RASA1: variants seen among roughly 807,000 people sequenced by gnomAD.
The protein encoded by RASA1 is RAS p21 protein activator 1.
Under a neutral mutation model 132.2 loss-of-function variants are expected in RASA1, and 25 were observed. That is an observed-to-expected ratio of 0.19 (90% CI 0.14 to 0.26). The LOEUF (loss-of-function observed/expected upper bound fraction) is 0.26. Ranked by LOEUF, RASA1 falls within the 10% of genes least tolerant of loss-of-function variation. The probability of loss-of-function intolerance (pLI) is 1.00; values close to 1 mark genes in which losing one functional copy is unlikely to be tolerated. For synonymous variants in RASA1, 477 were observed against 449.9 expected (o/e 1.06, Z -0.76); for missense variants, 964 against 1,299.2 (o/e 0.74, Z 3.97).
Position 87,376,887 on chromosome 5 carries a change from C to G in RASA1, c.2191C>G (p.Leu731Val), listed in dbSNP as rs777558391. Residue 731 changes from leucine to valine, a missense_variant, in exon 17 of 25, where the codon CTG becomes GTG. Leu to Val is a conservative substitution (Grantham distance 32). Around this residue, in one of 6 missense-constraint regions of RASA1, gnomAD observed 346 missense variants for 520.1 expected, o/e 0.67. Transcript: ENST00000274376. Reference sequence around the variant, plus strand: ...TTTTAAAATGTCATTTTAGCTTATACTGCAAAAGGAACTTCATGTAGTCTA... The same window carrying G: ...TTTTAAAATGTCATTTTAGCTTATAGTGCAAAAGGAACTTCATGTAGTCTA... ...EEYSEFKELI[L>V]QKELHVVYAL... The G allele has an allele frequency of 6.2e-7, 1 of 1,603,690 alleles. No homozygotes were observed. The highest frequency in any genetic ancestry group is 1.1e-5 in the South Asian group (1 of 90,876).
intron 9 of RASA1, among the ~76,000 whole-genome samples, chr5:87,359,010 C>G (rs926010594): frequency 6.6e-6 from 1 of 152,160 alleles, no homozygotes; most frequent in Non-Finnish European, 1.5e-5. Flanking sequence ...GGAGCACTTA[C>G]CTTCTAACAT....
Position 87,341,331 on chromosome 5 carries a change from T to C in RASA1, c.1049+10T>C. The C allele has an allele frequency of 2.3e-6, 3 of 1,326,524 alleles. No homozygotes were observed. Among genetic ancestry groups the C allele is most frequent in the Non-Finnish European group, 2.9e-6 (3 of 1,038,860 alleles). The allele number at this position is 1,326,524 out of a possible 1,614,324, so 82.2% of individuals were successfully genotyped here. A position where few individuals can be genotyped will look rare whatever the true frequency, so the allele number is the denominator to read the frequency against. On this transcript the variant is annotated intron_variant, in intron 6 of 24. Transcript: ENST00000274376. ...CACATGAAGGAAAAATGTGAGTTTG[T>C]GTTAATTATTAAAATGAAAAAAAAA...
chr5:87,284,140 AATG>A (rs1322980496), intron 1 of RASA1, among the ~76,000 whole-genome samples: 1 of 152,164 alleles, frequency 6.6e-6, no homozygotes, highest in African/African-American at 2.4e-5. Context: ...GTTACAATGA[AATG>A]ATGTTATTTG....
intron 1 of RASA1, among the ~76,000 whole-genome samples, chr5:87,324,160 A>G (rs1213731922): frequency 6.6e-6 from 1 of 152,176 alleles, no homozygotes; most frequent in Non-Finnish European, 1.5e-5. Flanking sequence ...TTGAAGTTCT[A>G]AGAAAAACCC....
In RASA1 at chr5:87,268,693, TG is replaced by T; in HGVS notation, c.248del (p.Gly83GlufsTer4). ...FLGAGSVAGA[L>X]GGAGLTGGGT... Reference sequence around the variant, plus strand: ...GGAGCCGGGTCTGTGGCAGGGGCACTGGGGGGAGCTGGACTGACAGGGGGAG... The same window carrying T: ...GGAGCCGGGTCTGTGGCAGGGGCACTGGGGGAGCTGGACTGACAGGGGGAG... On this transcript the variant is annotated frameshift_variant, in exon 1 of 25. Coordinates refer to ENST00000274376, the MANE Select transcript of RASA1 (RefSeq NM_002890.3). LOFTEE classifies it high-confidence loss of function. 6.2e-7 allele frequency: 1 copy of T among 1,611,610 alleles called. No homozygotes were observed. The highest frequency in any genetic ancestry group is 8.5e-7 in the Non-Finnish European group (1 of 1,179,038).
At chr5:87,291,417 G>T (rs1160352031) in intron 1 of RASA1, among the ~76,000 whole-genome samples, 3 of 152,138 alleles carry the variant, frequency 2.0e-5, no homozygotes, top group African/African-American at 7.2e-5. Context: ...TGTGGTTCCA[G>T]CTACTCAGGA....
At chr5:87,377,389 G>GA (rs1241066237) in intron 17 of RASA1, among the ~76,000 whole-genome samples, 2 of 152,190 alleles carry the variant, frequency 1.3e-5, no homozygotes, top group Non-Finnish European at 2.9e-5. Context: ...GCAGTGCAGT[G>GA]GCGCAGTCTC....
chr5:87,389,552 AC>A, intron 24 of RASA1, 25 bp downstream of exon 24: 1 of 1,611,722 alleles, frequency 6.2e-7, no homozygotes, highest in Non-Finnish European at 8.5e-7. Flanking sequence ...GCCTTCATTA[AC>A]AATGATGTTT....
At chr5:87,270,723 A>G (rs918828378) in intron 1 of RASA1, among the ~76,000 whole-genome samples, 9 of 138,008 alleles carry the variant, frequency 6.5e-5, no homozygotes, top group African/African-American at 2.5e-4. Flanking sequence ...TTCTGAAACT[A>G]ATTAGGAAAA....
chr5:87,295,492 T>C (rs1755079372), intron 1 of RASA1, among the ~76,000 whole-genome samples: 2 of 150,460 alleles, frequency 1.3e-5, no homozygotes, highest in Admixed American at 6.6e-5. Flanking sequence ...ACACCAGTTA[T>C]ATATATATAT....
chr5:87,376,583 A>T lies in RASA1; in HGVS notation c.2184+18A>T. 6.2e-7 allele frequency: 1 copy of T among 1,607,774 alleles called. No homozygotes were observed. On this transcript the variant is annotated intron_variant, in intron 16 of 24. Coordinates refer to ENST00000274376, the MANE Select transcript of RASA1 (RefSeq NM_002890.3). ...TTAAAGAGGTATTAAATTATTTATC[A>T]GTCTTGTTTTTGTTGGAATTAACAG...
intron 9 of RASA1, among the ~76,000 whole-genome samples, chr5:87,360,716 T>A (rs1249675737): frequency 6.6e-6 from 1 of 152,156 alleles, no homozygotes; most frequent in African/African-American, 2.4e-5. Context: ...TATGGTTCAC[T>A]CAGTGATTGA....
At chr5:87,346,620 G>T in intron 6 of RASA1, 52 bp from the exon 7 acceptor site, 1 of 1,201,612 alleles carries the variant, frequency 8.3e-7, no homozygotes, top group Admixed American at 1.8e-5. Context: ...TTGATCATAT[G>T]ATAACAGCAA....
intron 1 of RASA1, among the ~76,000 whole-genome samples, chr5:87,297,966 T>C (rs1211382772): frequency 1.3e-5 from 2 of 152,186 alleles, no homozygotes; most frequent in African/African-American, 4.8e-5. Context: ...TTTCTCTATC[T>C]GCCTACCTGT....
intron 1 of RASA1, among the ~76,000 whole-genome samples, chr5:87,323,881 G>C (rs1294835406): frequency 6.6e-6 from 1 of 152,088 alleles, no homozygotes; most frequent in East Asian, 1.9e-4. Flanking sequence ...ACTGAGACAG[G>C]TATTTTTTTG....
intron 1 of RASA1, among the ~76,000 whole-genome samples, chr5:87,316,954 C>T (rs922809197): frequency 6.6e-6 from 1 of 151,858 alleles, no homozygotes; most frequent in Admixed American, 6.6e-5. Context: ...GAAATCTCGG[C>T]TTACTGCAAC....
At chr5:87,276,164 G>A (rs1295143568) in intron 1 of RASA1, among the ~76,000 whole-genome samples, 2 of 152,026 alleles carry the variant, frequency 1.3e-5, no homozygotes, top group African/African-American at 4.8e-5. Context: ...CTGGGAGATA[G>A]GACAAATACT....
intron 1 of RASA1, among the ~76,000 whole-genome samples, chr5:87,329,168 G>C (rs748791847): frequency 6.6e-6 from 1 of 151,916 alleles, no homozygotes; most frequent in Non-Finnish European, 1.5e-5. Context: ...AAATCGACTC[G>C]GTGTGGTGGC....
chr5:87,299,387 T>C (rs1363005384), intron 1 of RASA1, among the ~76,000 whole-genome samples: 2 of 152,212 alleles, frequency 1.3e-5, no homozygotes, highest in African/African-American at 4.8e-5. Flanking sequence ...AAAAGTTAAT[T>C]TAAGTTCCTC....
Sources: allele counts gnomAD v4.1 joint callset (sites outside exome capture counted in the v4.1 genomes callset), GRCh38; gene constraint gnomAD v4.1.1; regional missense constraint gnomAD v4.1.1; transcripts MANE v1.5; gene names NCBI Gene and HGNC (gene_info 2026-07-23, HGNC 2026-07-21).